KCND3: variants seen among roughly 807,000 people sequenced by gnomAD.
The protein encoded by KCND3 is potassium voltage-gated channel subfamily D member 3, also known as A-type voltage-gated potassium channel KCND3.
A neutral mutation model predicts 51.1 loss-of-function variants in KCND3; 9 were observed. That is an observed-to-expected ratio of 0.18 (90% CI 0.11 to 0.31). The LOEUF is 0.31. KCND3 is among the 10% of genes least tolerant of loss of function. The probability of loss-of-function intolerance (pLI) is 1.00; values close to 1 mark genes in which losing one functional copy is unlikely to be tolerated. For missense variants in KCND3, 526 were observed against 903.8 expected, an observed-to-expected ratio of 0.58 and a Z score of 5.36; for synonymous variants, 349 against 368.0, an observed-to-expected ratio of 0.95 and a Z score of 0.59.
intron 2 of KCND3, among the ~76,000 whole-genome samples, chr1:111,899,374 C>T (rs1246816061): frequency 6.6e-6 from 1 of 152,240 alleles, no homozygotes; most frequent in Non-Finnish European, 1.5e-5. Flanking sequence ...TCTTTTCCTT[C>T]TGCTCAATGA....
intron 2 of KCND3, among the ~76,000 whole-genome samples, chr1:111,940,761 C>T (rs532065677): frequency 2.6e-5 from 4 of 152,300 alleles, no homozygotes; most frequent in South Asian, 4.2e-4. Context: ...AAAGTGCCAA[C>T]GGTCCACTGC....
chr1:111,828,167 A>G (rs1168729168), intron 2 of KCND3, among the ~76,000 whole-genome samples: 1 of 152,182 alleles, frequency 6.6e-6, no homozygotes, highest in Non-Finnish European at 1.5e-5. Flanking sequence ...CTGTGATGAC[A>G]GCTCCATCTA....
intron 2 of KCND3, among the ~76,000 whole-genome samples, chr1:111,859,490 G>A (rs1327591915): frequency 6.6e-6 from 1 of 152,222 alleles, no homozygotes; most frequent in African/African-American, 2.4e-5. Context: ...AAGGACACCG[G>A]GGCCCAGAAG....
At chr1:111,833,184 T>C (rs1666919497) in intron 2 of KCND3, among the ~76,000 whole-genome samples, 1 of 152,278 alleles carries the variant, frequency 6.6e-6, no homozygotes, top group African/African-American at 2.4e-5. Flanking sequence ...CTATGTCTGA[T>C]CCATCCACTG....
chr1:111,849,997 T>G (rs1667734785), intron 2 of KCND3, among the ~76,000 whole-genome samples: 1 of 152,096 alleles, frequency 6.6e-6, no homozygotes, highest in South Asian at 2.1e-4. Flanking sequence ...CTCTCGACTT[T>G]CTGAGAGCAG....
At chr1:111,956,747 TG>T (rs944614150) in intron 2 of KCND3, among the ~76,000 whole-genome samples, 13 of 152,238 alleles carry the variant, frequency 8.5e-5, no homozygotes, top group Admixed American at 8.5e-4. Context: ...CTCAAGAAGC[TG>T]GAACACCGTC....
intron 2 of KCND3, among the ~76,000 whole-genome samples, chr1:111,814,976 CAT>C (rs941114855): frequency 6.6e-6 from 1 of 152,250 alleles, no homozygotes; most frequent in Non-Finnish European, 1.5e-5. Context: ...TACCTTGACT[CAT>C]GTGGTACCTT....
At chr1:111,831,753 A>C (rs1666843792) in intron 2 of KCND3, among the ~76,000 whole-genome samples, 1 of 152,216 alleles carries the variant, frequency 6.6e-6, no homozygotes, top group Admixed American at 6.5e-5. Context: ...TGGAGAGTCC[A>C]TAAAATGCCC....
chr1:111,814,565 C>T (rs973836461), intron 2 of KCND3, among the ~76,000 whole-genome samples: 5 of 152,204 alleles, frequency 3.3e-5, no homozygotes, highest in South Asian at 2.1e-4. Context: ...ATTAACTGAG[C>T]GATGAGTAAC....
intron 2 of KCND3, among the ~76,000 whole-genome samples, chr1:111,914,064 C>T (rs1671081709): frequency 6.6e-6 from 1 of 151,950 alleles, no homozygotes; most frequent in Admixed American, 6.6e-5. Context: ...ATACTATATG[C>T]TCATGAATTT....
chr1:111,791,888 T>A (rs1362120309), intron 2 of KCND3, among the ~76,000 whole-genome samples: 1 of 152,140 alleles, frequency 6.6e-6, no homozygotes, highest in Non-Finnish European at 1.5e-5. Flanking sequence ...ACCGGGGAAT[T>A]TAACTTCAAC....
chr1:111,773,938 T>G lies in KCND3; in HGVS notation c.*2139A>C, dbSNP rs1571617712. The G allele has an allele frequency of 6.6e-6, 1 of 152,312 alleles. No homozygotes were observed. The highest frequency in any genetic ancestry group is 3.4e-3 in the Middle Eastern group (1 of 294). The allele number at this position is 152,312 out of a possible 1,614,324, so 9.4% of individuals were successfully genotyped here. A position where few individuals can be genotyped will look rare whatever the true frequency, so the allele number is the denominator to read the frequency against. On this transcript the variant is annotated 3_prime_UTR_variant, in exon 8 of 8. Transcript: ENST00000302127. ...TATGTATTCTCTGATGTGTTTAGGTTGGTTGTGTGTATACACATGTACTCT... is the reference window on the plus strand; with the variant it reads ...TATGTATTCTCTGATGTGTTTAGGTGGGTTGTGTGTATACACATGTACTCT...
chr1:111,898,234 A>ACTTG (rs895833015), intron 2 of KCND3, among the ~76,000 whole-genome samples: 1 of 151,806 alleles, frequency 6.6e-6, no homozygotes, highest in Non-Finnish European at 1.5e-5. Flanking sequence ...CTCTTACCTT[A>ACTTG]GCCTTTCTTT....
intron 2 of KCND3, among the ~76,000 whole-genome samples, chr1:111,911,903 G>C (rs923023106): frequency 6.6e-6 from 1 of 152,158 alleles, no homozygotes; most frequent in Non-Finnish European, 1.5e-5. Context: ...TGCCTGCATC[G>C]GATTTCCAGG....
chr1:111,934,152 G>T (rs556232917), intron 2 of KCND3, among the ~76,000 whole-genome samples: 2 of 152,176 alleles, frequency 1.3e-5, no homozygotes. Flanking sequence ...TCGCCAGGTT[G>T]CTGTCTCCTC....
intron 2 of KCND3, among the ~76,000 whole-genome samples, chr1:111,882,669 G>T (rs553141136): frequency 6.6e-6 from 1 of 152,180 alleles, no homozygotes; most frequent in Admixed American, 6.5e-5. Flanking sequence ...GGAGAGCAGC[G>T]GCTGTGCTGG....
chr1:111,791,152 C>T (rs1664807691), intron 2 of KCND3, among the ~76,000 whole-genome samples: 2 of 152,184 alleles, frequency 1.3e-5, no homozygotes, highest in South Asian at 4.1e-4. Flanking sequence ...ATTTTACATT[C>T]CCACCAGCAA....
At chr1:111,880,676 TGGC>T (rs1669258730) in intron 2 of KCND3, among the ~76,000 whole-genome samples, 1 of 152,248 alleles carries the variant, frequency 6.6e-6, no homozygotes, top group African/African-American at 2.4e-5. Flanking sequence ...AATCAACTTA[TGGC>T]TCATTTAAAC....
At chr1:111,800,868 C>T (rs113597103) in intron 2 of KCND3, among the ~76,000 whole-genome samples, 2,704 of 152,338 alleles carry the variant, frequency 0.018, 73 homozygotes, top group African/African-American at 0.061. Flanking sequence ...CATGCTTTTA[C>T]AGAGACTTGG....
Sources: allele counts gnomAD v4.1 joint callset (sites outside exome capture counted in the v4.1 genomes callset), GRCh38; gene constraint gnomAD v4.1.1; transcripts MANE v1.5; gene names NCBI Gene and HGNC (gene_info 2026-07-23, HGNC 2026-07-21).